The following NR2F1-AS1 variants were observed in gnomAD, a reference collection of about 807,000 sequenced individuals.
NR2F1-AS1 encodes the protein NR2F1 antisense RNA 1.
chr5:93,499,850 G>A (rs1029071225), intron 4 of NR2F1-AS1, among the ~76,000 whole-genome samples: 2 of 152,206 alleles, frequency 1.3e-5, no homozygotes, highest in Non-Finnish European at 2.9e-5. Flanking sequence ...TGCTGATGCA[G>A]AGAAAGCTTT....
intron 4 of NR2F1-AS1, among the ~76,000 whole-genome samples, chr5:93,437,763 C>A (rs1033111848): frequency 2.0e-5 from 3 of 152,188 alleles, no homozygotes; most frequent in Non-Finnish European, 4.4e-5. Flanking sequence ...TTACAAGCAA[C>A]TATCACGTTA....
At chr5:93,577,689 A>T (rs1230649771) in intron 1 of NR2F1-AS1, among the ~76,000 whole-genome samples, 2 of 152,194 alleles carry the variant, frequency 1.3e-5, no homozygotes, top group East Asian at 3.9e-4. Flanking sequence ...CCTGGCTTTA[A>T]TCTCATGCCA....
At chr5:93,581,724 CT>C (rs1237625521), upstream of NR2F1-AS1, among the ~76,000 whole-genome samples, 14 of 69,024 alleles carry the variant, frequency 2.0e-4, no homozygotes, top group African/African-American at 4.0e-4. Flanking sequence ...CTCTCTCTCT[CT>C]CTCTCTCTCC....
intron 4 of NR2F1-AS1, among the ~76,000 whole-genome samples, chr5:93,491,473 A>G (rs1240296085): frequency 6.6e-6 from 1 of 152,026 alleles, no homozygotes; most frequent in African/African-American, 2.4e-5. Context: ...ATGAACTGTA[A>G]TGATTAATTT....
intron 4 of NR2F1-AS1, among the ~76,000 whole-genome samples, chr5:93,417,899 T>C (rs1749001611): frequency 6.6e-6 from 1 of 152,216 alleles, no homozygotes; most frequent in African/African-American, 2.4e-5. Context: ...ATCACCATAC[T>C]GAAAATATTC....
intron 4 of NR2F1-AS1, among the ~76,000 whole-genome samples, chr5:93,456,323 A>C (rs1292962344): frequency 6.6e-6 from 1 of 152,214 alleles, no homozygotes; most frequent in Non-Finnish European, 1.5e-5. Flanking sequence ...TTATAATTCA[A>C]AAGTCAATGC....
intron 4 of NR2F1-AS1, among the ~76,000 whole-genome samples, chr5:93,444,037 G>C (rs1329526054): frequency 2.0e-5 from 3 of 152,122 alleles, no homozygotes; most frequent in Non-Finnish European, 2.9e-5. Context: ...CCCTAAAAGA[G>C]CTCCTGAAGG....
intron 4 of NR2F1-AS1, among the ~76,000 whole-genome samples, chr5:93,482,568 A>G (rs1750623559): frequency 2.6e-5 from 4 of 151,408 alleles, no homozygotes; most frequent in Admixed American, 2.6e-4. Flanking sequence ...TTTTTTTTAT[A>G]CCCCAGTGGA....
At chr5:93,553,220 C>T (rs920419419) in intron 4 of NR2F1-AS1, among the ~76,000 whole-genome samples, 1 of 151,192 alleles carries the variant, frequency 6.6e-6, no homozygotes, top group Non-Finnish European at 1.5e-5. Flanking sequence ...ACCCCTGCCT[C>T]CCAGATTCAA....
upstream of NR2F1-AS1, chr5:93,584,442 A>AGT (rs988106117): frequency 2.1e-4 from 31 of 148,474 alleles, no homozygotes; most frequent in African/African-American, 7.1e-4. Flanking sequence ...TGTGTGTGCG[A>AGT]GTGTGTGTGT....
intron 4 of NR2F1-AS1, among the ~76,000 whole-genome samples, chr5:93,517,630 G>A (rs1751424219): frequency 6.6e-6 from 1 of 151,918 alleles, no homozygotes; most frequent in Non-Finnish European, 1.5e-5. Context: ...AGAAAGGGAA[G>A]CAAATTTTAA....
upstream of NR2F1-AS1, chr5:93,584,124 C>T: frequency 6.6e-6 from 1 of 150,578 alleles, no homozygotes; most frequent in East Asian, 2.0e-4. Context: ...CCGCGCTCCC[C>T]GCACTCCCGA....
rs764573226 is a variant in NR2F1-AS1 at position 93,422,574 on chromosome 5, CCTTTT to C, written n.639-27037_639-27033del. 3.9e-4 allele frequency among the ~76,000 whole-genome samples: 60 copies of C among 152,028 alleles called. 1 individual carries two copies. The highest frequency in any genetic ancestry group is 2.8e-3 in the Admixed American group (43 of 15,248). On this transcript the variant is annotated intron_variant and non_coding_transcript_variant, in intron 4 of 5. Coordinates refer to ENST00000660523, the Ensembl canonical transcript of NR2F1-AS1. ...GGGAAAGTGAAAAGGCTTTCCTTTTCCTTTTATTTTGGTGTTAACTTCCTTGTTAT... is the reference window on the plus strand; with the variant it reads ...GGGAAAGTGAAAAGGCTTTCCTTTTCATTTTGGTGTTAACTTCCTTGTTAT...
chr5:93,568,954 CCAAA>C (rs1752678597), intron 1 of NR2F1-AS1, among the ~76,000 whole-genome samples: 1 of 152,046 alleles, frequency 6.6e-6, no homozygotes, highest in African/African-American at 2.4e-5. Context: ...GCTTTGGGCC[CCAAA>C]CATTTTCTTT....
intron 4 of NR2F1-AS1, among the ~76,000 whole-genome samples, chr5:93,484,778 C>CAAAAAAAAAAA: frequency 1.2e-5 from 1 of 84,322 alleles, no homozygotes; most frequent in African/African-American, 3.6e-5. Flanking sequence ...AAATGGAAAG[C>CAAAAAAAAAAA]AAAAAAAAAA....
chr5:93,521,236 T>A (rs149420761), intron 4 of NR2F1-AS1, among the ~76,000 whole-genome samples: 2,958 of 152,192 alleles, frequency 0.019, 46 homozygotes, highest in Middle Eastern at 0.031. Context: ...GATTAAAGAT[T>A]TAAATGTAAA....
chr5:93,500,459 T>C (rs1178821061), intron 4 of NR2F1-AS1, among the ~76,000 whole-genome samples: 1 of 151,764 alleles, frequency 6.6e-6, no homozygotes, highest in Non-Finnish European at 1.5e-5. Flanking sequence ...ATGAGACCCA[T>C]TGCTCAGGGG....
chr5:93,475,123 CAAAAA>C (rs575698972), intron 4 of NR2F1-AS1, among the ~76,000 whole-genome samples: 2 of 65,120 alleles, frequency 3.1e-5, no homozygotes, highest in Admixed American at 1.9e-4. Flanking sequence ...GACTCCATCT[CAAAAA>C]AAAAAAAAAA....
At chr5:93,577,266 C>T (rs905740158) in intron 1 of NR2F1-AS1, among the ~76,000 whole-genome samples, 2 of 152,230 alleles carry the variant, frequency 1.3e-5, no homozygotes, top group Admixed American at 1.3e-4. Flanking sequence ...AGATAGAAAA[C>T]TAAACTAAGG....
Sources: gnomAD v4.1 joint callset for allele counts (sites outside exome capture counted in the v4.1 genomes callset) on GRCh38, gnomAD v4.1.1 for gene constraint, MANE v1.5 for transcripts, NCBI Gene and HGNC (gene_info 2026-07-23, HGNC 2026-07-21) for gene names.